CAMTA1: variants seen among roughly 807,000 people sequenced by gnomAD.
CAMTA1 encodes the protein calmodulin binding transcription activator 1, also known as calmodulin-binding transcription activator 1.
A neutral mutation model predicts 170.9 loss-of-function variants in CAMTA1; 27 were observed. The ratio of observed to expected loss-of-function variants is 0.16; its 90% CI spans 0.12 to 0.22. CAMTA1 has a LOEUF of 0.22. Among genes scored for constraint, CAMTA1 ranks in the 10% least tolerant of loss-of-function variants. The pLI, the probability that CAMTA1 is intolerant of heterozygous loss-of-function variation, is 1.00. For synonymous variants in CAMTA1, 833 were observed against 891.5 expected (o/e 0.93, Z 1.17); for missense variants, 1,619 against 2,217.2 (o/e 0.73, Z 5.42).
chr1:7,469,895 G>A (rs2093297186), intron 6 of CAMTA1, among the ~76,000 whole-genome samples: 1 of 152,256 alleles, frequency 6.6e-6, no homozygotes, highest in Non-Finnish European at 1.5e-5. Context: ...AGCGAGGAGA[G>A]GGGTCCTGCT....
chr1:6,927,360 C>T (rs1476372827), intron 3 of CAMTA1, among the ~76,000 whole-genome samples: 2 of 152,096 alleles, frequency 1.3e-5, no homozygotes, highest in Admixed American at 6.6e-5. Context: ...TCCTGATGTC[C>T]CTAGGCCAAA....
At chr1:6,921,974 G>A (rs1277251330) in intron 3 of CAMTA1, among the ~76,000 whole-genome samples, 1 of 152,036 alleles carries the variant, frequency 6.6e-6, no homozygotes, top group African/African-American at 2.4e-5. Flanking sequence ...ACCAAATGAG[G>A]CCATTAAAAG....
chr1:7,540,574 A>C (rs1271263485), intron 6 of CAMTA1, among the ~76,000 whole-genome samples: 5 of 152,198 alleles, frequency 3.3e-5, no homozygotes. Flanking sequence ...TAACTGGTGC[A>C]GGAAATGTTG....
intron 3 of CAMTA1, among the ~76,000 whole-genome samples, chr1:6,860,964 CTTTTTTTT>C (rs1247559136): frequency 1.6e-5 from 2 of 127,912 alleles, no homozygotes; most frequent in Non-Finnish European, 3.3e-5. Context: ...GTGTGACTTA[CTTTTTTTT>C]TTTTTTTTTT....
chr1:7,700,788 C>T (rs965307891), intron 11 of CAMTA1: 2 of 152,204 alleles, frequency 1.3e-5, no homozygotes, highest in Non-Finnish European at 1.5e-5. Context: ...AGGGTACAGG[C>T]CAGTGCAAAG....
Position 7,444,388 on chromosome 1 carries a change from G to A in CAMTA1, c.439-23442G>A, listed in dbSNP as rs2092627693. 2.0e-5 allele frequency among the ~76,000 whole-genome samples: 3 copies of A among 152,196 alleles called. No individual in the cohort carries two copies. The South Asian group carries it at 6.2e-4, about 32-fold the overall frequency. ...CACAGTAGCTTCTGCCACGTGATGG[G>A]CTGGCACCAGCCTGAGCAGGTCTCA... On this transcript the variant is annotated intron_variant, in intron 5 of 22. Coordinates refer to ENST00000303635, the MANE Select transcript of CAMTA1 (RefSeq NM_015215.4).
rs949401882 is a variant in CAMTA1 at position 7,044,522 on chromosome 1, A to G, written c.235-46782A>G. 3.3e-5 allele frequency among the ~76,000 whole-genome samples: 5 copies of G among 152,170 alleles called. 1 individual carries two copies. In the South Asian group the frequency reaches 8.3e-4, roughly 25 times the overall value. On this transcript the variant is annotated intron_variant, in intron 3 of 22. Transcript: ENST00000303635. The surrounding 1 kb of genome is among the most constrained non-coding windows in gnomAD (Gnocchi z 5.0). ...ACACCAGGCCTTCAGCAGGGCCATA[A>G]GCATCTGAGGCTAGGAAGGCACATG...
chr1:7,357,403 G>C (rs1382634880), intron 5 of CAMTA1, among the ~76,000 whole-genome samples: 7 of 152,204 alleles, frequency 4.6e-5, no homozygotes. Context: ...GAGGAACTGA[G>C]TTGCCCCCTT....
chr1:7,090,667 C>T (rs964085276), intron 3 of CAMTA1, among the ~76,000 whole-genome samples: 13 of 152,306 alleles, frequency 8.5e-5, no homozygotes, highest in African/African-American at 2.6e-4. Flanking sequence ...AATTTGCCTT[C>T]AGATGCCCAC....
intron 5 of CAMTA1, among the ~76,000 whole-genome samples, chr1:7,298,538 T>C (rs1433518891): frequency 6.6e-6 from 1 of 152,168 alleles, no homozygotes; most frequent in African/African-American, 2.4e-5. Context: ...ATTTCCACCA[T>C]CTACAGGGGC....
intron 5 of CAMTA1, among the ~76,000 whole-genome samples, chr1:7,355,116 G>A (rs1004059721): frequency 6.6e-6 from 1 of 150,938 alleles, no homozygotes; most frequent in East Asian, 2.0e-4. Context: ...TAAGGCAGGA[G>A]AATCGCTTGA....
rs959860194 is a variant in CAMTA1, at chr1:7,065,550, G to A, written c.235-25754G>A. ...TTAGGAGTGAGGTCCTGGAGGAGGG[G>A]ACAGGAGATGGGATCCAGGGCGCAG... is the stretch of plus-strand genomic sequence containing the variant. On this transcript the variant is annotated intron_variant, in intron 3 of 22. Transcript: ENST00000303635. The surrounding 1 kb of genome is among the most constrained non-coding windows in gnomAD (Gnocchi z 5.2). Among the ~76,000 whole-genome samples the A allele has an allele frequency of 3.3e-5, 5 of 152,154 alleles. No individual in the cohort carries two copies. The highest frequency in any genetic ancestry group is 9.7e-5 in the African/African-American group (4 of 41,426).
intron 4 of CAMTA1, among the ~76,000 whole-genome samples, chr1:7,223,051 C>T (rs116432089): frequency 0.011 from 1,646 of 152,350 alleles, 32 homozygotes; most frequent in African/African-American, 0.038. Flanking sequence ...TGATGACCAA[C>T]GCTCTTGTTC....
intron 4 of CAMTA1, among the ~76,000 whole-genome samples, chr1:7,164,858 T>A (rs1648046989): frequency 6.6e-6 from 1 of 152,226 alleles, no homozygotes; most frequent in Non-Finnish European, 1.5e-5. Flanking sequence ...CAGACAAATA[T>A]TTATGCCCTC....
At chr1:7,513,736 A>T (rs764539675) in intron 6 of CAMTA1, among the ~76,000 whole-genome samples, 12 of 152,138 alleles carry the variant, frequency 7.9e-5, no homozygotes, top group Non-Finnish European at 1.3e-4. Flanking sequence ...CAGCCTGACC[A>T]ACATGGAGAA....
intron 5 of CAMTA1, among the ~76,000 whole-genome samples, chr1:7,436,575 G>T (rs2092354474): frequency 1.3e-5 from 2 of 152,146 alleles, no homozygotes; most frequent in African/African-American, 2.4e-5. Flanking sequence ...GCAGGGTGAG[G>T]TCGGTAAGGG....
chr1:6,961,724 C>T (rs1435327488), intron 3 of CAMTA1, among the ~76,000 whole-genome samples: 1 of 152,208 alleles, frequency 6.6e-6, no homozygotes, highest in African/African-American at 2.4e-5. Context: ...CATTCATTCT[C>T]GGTCTCCAAA....
intron 5 of CAMTA1, among the ~76,000 whole-genome samples, chr1:7,387,752 G>C (rs2088179016): frequency 6.6e-6 from 1 of 152,210 alleles, no homozygotes. Context: ...AAAGAATTTT[G>C]CTTAATCTTG....
At chr1:6,915,658 G>A (rs1045350470) in intron 3 of CAMTA1, among the ~76,000 whole-genome samples, 3 of 152,214 alleles carry the variant, frequency 2.0e-5, no homozygotes, top group South Asian at 4.1e-4. Context: ...AGGGCTTGCC[G>A]GAGAGGGAGG....
Sources: allele counts gnomAD v4.1 joint callset (sites outside exome capture counted in the v4.1 genomes callset), GRCh38; gene constraint gnomAD v4.1.1; non-coding constraint Gnocchi (gnomAD v3.1); transcripts MANE v1.5; gene names NCBI Gene and HGNC (gene_info 2026-07-23, HGNC 2026-07-21).